The following FRAS1 variants were observed in gnomAD, a reference collection of about 807,000 sequenced individuals.
FRAS1 encodes extracellular matrix organizing protein FRAS1.
FRAS1 carries 290 observed loss-of-function variants against 435.2 expected under a neutral mutation model. The observed-to-expected ratio is 0.67, with a 90% CI of 0.61 to 0.73. The LOEUF (loss-of-function observed/expected upper bound fraction) is 0.73, where lower values mean the gene tolerates loss of function less well. Ranked by LOEUF, FRAS1 falls within the 30% of genes least tolerant of loss-of-function variation. The probability of loss-of-function intolerance (pLI) is 0.00; values close to 1 mark genes in which losing one functional copy is unlikely to be tolerated. For missense variants in FRAS1, 4,860 were observed against 5,001.5 expected, an observed-to-expected ratio of 0.97 and a Z score of 0.85; for synonymous variants, 1,800 against 1,851.0, an observed-to-expected ratio of 0.97 and a Z score of 0.71.
chr4:78,150,976 A>G (rs1197845477), intron 2 of FRAS1, among the ~76,000 whole-genome samples: 1 of 152,112 alleles, frequency 6.6e-6, no homozygotes, highest in Non-Finnish European at 1.5e-5. Flanking sequence ...GGCCAACCTT[A>G]TAATATTTAT....
intron 2 of FRAS1, among the ~76,000 whole-genome samples, chr4:78,168,886 C>T (rs1721441484): frequency 1.3e-5 from 2 of 152,190 alleles, no homozygotes; most frequent in South Asian, 2.1e-4. Flanking sequence ...CTGGTTAATT[C>T]TCAACCTTGT....
At chr4:78,198,329 C>T (rs1186933203) in intron 2 of FRAS1, among the ~76,000 whole-genome samples, 2 of 152,212 alleles carry the variant, frequency 1.3e-5, no homozygotes, top group Non-Finnish European at 2.9e-5. Context: ...CGTGGGCATA[C>T]AGCCCAGTCG....
chr4:78,141,626 G>A (rs1240735611), intron 2 of FRAS1, among the ~76,000 whole-genome samples: 1 of 152,118 alleles, frequency 6.6e-6, no homozygotes, highest in Admixed American at 6.6e-5. Context: ...TACAATAATG[G>A]GGCTGATGGA....
At chr4:78,263,089 T>C (rs1726190827) in intron 6 of FRAS1, among the ~76,000 whole-genome samples, 3 of 152,194 alleles carry the variant, frequency 2.0e-5, no homozygotes, top group Admixed American at 6.5e-5. Context: ...GGCATGTATA[T>C]GGTGGTCAGA....
chr4:78,118,533 C>T (rs527510952), intron 2 of FRAS1, among the ~76,000 whole-genome samples: 2 of 152,318 alleles, frequency 1.3e-5, no homozygotes, highest in African/African-American at 4.8e-5. Context: ...CACCCCTCCC[C>T]CAGCCTCACT....
rs985884307 is a variant in FRAS1, at chr4:78,375,659, C to G, written c.3152-80C>G. The G allele has an allele frequency of 3.5e-5, 45 of 1,274,596 alleles. 1 individual carries two copies. The highest frequency in any genetic ancestry group is 7.7e-5 in the East Asian group (3 of 39,094). The allele number at this position is 1,274,596 out of a possible 1,614,324, so 79.0% of individuals were successfully genotyped here. On this transcript the variant is annotated intron_variant, in intron 25 of 73. Transcript: ENST00000512123. ...CTCATTTGTTGCATGTGCTCTGACT[C>G]TTCTGGTTGCAAGCCCTTTATTTCT... is the stretch of plus-strand genomic sequence containing the variant.
chr4:78,263,596 A>T (rs1431331591), intron 6 of FRAS1, among the ~76,000 whole-genome samples: 1 of 152,230 alleles, frequency 6.6e-6, no homozygotes, highest in East Asian at 1.9e-4. Flanking sequence ...ATTATAATAA[A>T]GTTGCTGAAT....
intron 2 of FRAS1, among the ~76,000 whole-genome samples, chr4:78,086,258 T>C (rs1741159229): frequency 6.6e-6 from 1 of 152,132 alleles, no homozygotes; most frequent in African/African-American, 2.4e-5. Flanking sequence ...CCAGAATCTC[T>C]TGGACACATT....
intron 22 of FRAS1, among the ~76,000 whole-genome samples, 177 bp downstream of exon 22, chr4:78,364,231 A>G (rs1731182921): frequency 6.6e-6 from 1 of 152,224 alleles, no homozygotes; most frequent in Non-Finnish European, 1.5e-5. Context: ...TATGGCTCAG[A>G]TATCAGCCTA....
intron 63 of FRAS1, 74 bp from the exon 64 acceptor site, chr4:78,511,200 A>G (rs1371156444): frequency 8.5e-7 from 1 of 1,171,884 alleles, no homozygotes; most frequent in East Asian, 2.4e-5. Flanking sequence ...TTTACAGATT[A>G]ACTTGAACCA....
chr4:78,287,367 T>C (rs143850843), intron 14 of FRAS1, among the ~76,000 whole-genome samples: 53 of 152,260 alleles, frequency 3.5e-4, no homozygotes, highest in African/African-American at 1.3e-3. Context: ...GGGTTAATGA[T>C]GAAAACAAAG....
intron 2 of FRAS1, among the ~76,000 whole-genome samples, chr4:78,187,835 C>T (rs1005802546): frequency 9.2e-5 from 14 of 152,132 alleles, no homozygotes; most frequent in African/African-American, 3.1e-4. Flanking sequence ...GATCTCCTGA[C>T]CTTGTGATCT....
chr4:78,387,725 A>G, intron 29 of FRAS1, 24 bp downstream of exon 29: 2 of 1,443,380 alleles, frequency 1.4e-6, no homozygotes, highest in Non-Finnish European at 1.9e-6. Context: ...CTAGAGTTAC[A>G]GTTTCTTTGC....
chr4:78,245,362 G>A, intron 4 of FRAS1, 37 bp downstream of exon 4: 2 of 1,358,224 alleles, frequency 1.5e-6, no homozygotes, highest in Non-Finnish European at 2.1e-6. Flanking sequence ...TTCTGTGTCT[G>A]CAGATCTCTG....
intron 30 of FRAS1, among the ~76,000 whole-genome samples, chr4:78,404,400 G>C (rs990387189): frequency 2.0e-5 from 3 of 148,240 alleles, no homozygotes; most frequent in African/African-American, 7.7e-5. Flanking sequence ...GCATAGGTGA[G>C]GTACTACAAA....
intron 31 of FRAS1, among the ~76,000 whole-genome samples, chr4:78,408,088 G>GACATGTCTT (rs1217305857): frequency 2.0e-5 from 3 of 152,184 alleles, no homozygotes; most frequent in Non-Finnish European, 2.9e-5. Flanking sequence ...GAAAGCGAAA[G>GACATGTCTT]ACATGTCTTA....
At position 78,541,143 on chromosome 4, in the gene FRAS1, A is replaced by C; in HGVS notation, c.*19A>C. 1 of 1,288,014 alleles carries C rather than the reference A, an allele frequency of 7.8e-7. No homozygotes were observed. The highest frequency in any genetic ancestry group is 1.0e-6 in the Non-Finnish European group (1 of 994,344). 79.8% of individuals were successfully genotyped at this position (1,288,014 alleles called of 1,614,324 possible). On this transcript the variant is annotated 3_prime_UTR_variant, in exon 74 of 74. Coordinates refer to ENST00000512123, the MANE Select transcript of FRAS1 (RefSeq NM_025074.7). Reference sequence around the variant, plus strand: ...AGTTTAATGGAGGAGACCTATGTGTATTTTTTTCTAAAATCATTTTTATAA... The same window carrying C: ...AGTTTAATGGAGGAGACCTATGTGTCTTTTTTTCTAAAATCATTTTTATAA...
intron 4 of FRAS1, 117 bp downstream of exon 4, chr4:78,245,442 C>A (rs1175370500): frequency 1.4e-6 from 1 of 714,222 alleles, no homozygotes; most frequent in Non-Finnish European, 2.4e-6. Flanking sequence ...TGTGGAGGAT[C>A]TGAAGCCCAT....
chr4:78,342,175 G>A lies in FRAS1; in HGVS notation c.2422+4358G>A, dbSNP rs530650783. On this transcript the variant is annotated intron_variant, in intron 20 of 73. Coordinates refer to ENST00000512123, the MANE Select transcript of FRAS1 (RefSeq NM_025074.7). ...AAGGACCCTCTCTGCCTGCTCTTTC[G>A]TGTATGTCCAAGCGCCTCCAGGGTG... Among the ~76,000 whole-genome samples, 82 of 152,320 alleles carry A rather than the reference G, an allele frequency of 5.4e-4. 1 individual carries two copies. The South Asian group carries it at 0.016, about 29-fold the overall frequency.
Sources: gnomAD v4.1 joint callset for allele counts (sites outside exome capture counted in the v4.1 genomes callset) on GRCh38, gnomAD v4.1.1 for gene constraint, MANE v1.5 for transcripts, NCBI Gene and HGNC (gene_info 2026-07-23, HGNC 2026-07-21) for gene names.